The following FLT1 variants were observed in gnomAD, a reference collection of about 807,000 sequenced individuals.
FLT1 encodes vascular endothelial growth factor receptor 1.
FLT1 carries 49 observed loss-of-function variants against 156.3 expected under a neutral mutation model. That is an observed-to-expected ratio of 0.31 (90% CI 0.25 to 0.40). FLT1 has a LOEUF of 0.40. FLT1 is among the 10% of genes least tolerant of loss of function. The pLI, the probability that FLT1 is intolerant of heterozygous loss-of-function variation, is 1.00. For missense variants in FLT1, 1,322 were observed against 1,637.2 expected, an observed-to-expected ratio of 0.81 and a Z score of 3.32; for synonymous variants, 594 against 583.8, an observed-to-expected ratio of 1.02 and a Z score of -0.25.
chr13:28,344,007 G>GCC (rs1555302045), intron 16 of FLT1, among the ~76,000 whole-genome samples: 1 of 146,066 alleles, frequency 6.8e-6, no homozygotes, highest in African/African-American at 2.5e-5. Flanking sequence ...ATTCACTCTT[G>GCC]CCCCCCACCA....
chr13:28,400,515 T>G (rs1003618467), intron 11 of FLT1, among the ~76,000 whole-genome samples: 2 of 152,176 alleles, frequency 1.3e-5, no homozygotes, highest in Admixed American at 6.5e-5. Context: ...CAATTAAAAT[T>G]TAAACTTTAT....
intron 1 of FLT1, among the ~76,000 whole-genome samples, chr13:28,492,667 A>T (rs1028883205): frequency 6.6e-5 from 10 of 152,316 alleles, no homozygotes; most frequent in African/African-American, 2.4e-4. Context: ...GACGCAAGAG[A>T]ACTCTGCAGT....
At chr13:28,493,702 G>A (rs1309044201) in intron 1 of FLT1, among the ~76,000 whole-genome samples, 1 of 152,116 alleles carries the variant, frequency 6.6e-6, no homozygotes, top group African/African-American at 2.4e-5. Context: ...ACAAATCTCC[G>A]CCACTCAGCC....
chr13:28,341,627 A>G (rs568556825), intron 16 of FLT1, among the ~76,000 whole-genome samples: 1 of 152,340 alleles, frequency 6.6e-6, no homozygotes, highest in Admixed American at 6.5e-5. Flanking sequence ...ATGCAGGGTG[A>G]GGATAAAATA....
chr13:28,379,006 G>GAATC (rs1161043182), intron 14 of FLT1, among the ~76,000 whole-genome samples: 2 of 152,174 alleles, frequency 1.3e-5, no homozygotes, highest in Non-Finnish European at 2.9e-5. Flanking sequence ...AAAAAAGGAA[G>GAATC]AATCACTTCC....
intron 14 of FLT1, among the ~76,000 whole-genome samples, chr13:28,375,188 A>G (rs1419764231): frequency 1.3e-5 from 2 of 152,200 alleles, no homozygotes; most frequent in Non-Finnish European, 2.9e-5. Context: ...ATAAAAAGAG[A>G]TACTTTGGGG....
rs559682852 is a variant in FLT1 at position 28,406,565 on chromosome 13, G to T, written c.1437-671C>A. 7.2e-5 allele frequency among the ~76,000 whole-genome samples: 11 copies of T among 152,186 alleles called. No individual in the cohort carries two copies. The South Asian group carries it at 2.3e-3, about 32-fold the overall frequency. The stretch of plus-strand genomic sequence containing the variant: ...TAGAATTTTTTTGAGCAGAAAGCTT[G>T]CTGGTCTCTAATTTGCACATGTCTT... On this transcript the variant is annotated intron_variant, in intron 10 of 29. Transcript: ENST00000282397.
intron 29 of FLT1, among the ~76,000 whole-genome samples, chr13:28,303,718 T>G (rs964755135): frequency 1.3e-5 from 2 of 152,174 alleles, no homozygotes; most frequent in Admixed American, 6.5e-5. Context: ...GGCTGAGAAA[T>G]GCCTCCTACC....
intron 15 of FLT1, among the ~76,000 whole-genome samples, chr13:28,353,980 A>C (rs1201755426): frequency 6.6e-6 from 1 of 152,244 alleles, no homozygotes; most frequent in Non-Finnish European, 1.5e-5. Context: ...ACCTCTTTAA[A>C]TCTGTTAAAC....
At chr13:28,333,193 C>T (rs960985367) in intron 18 of FLT1, among the ~76,000 whole-genome samples, 6 of 152,174 alleles carry the variant, frequency 3.9e-5, no homozygotes, top group Admixed American at 1.3e-4. Flanking sequence ...ACTAGGTACC[C>T]GTGTAGTTGG....
intron 16 of FLT1, among the ~76,000 whole-genome samples, chr13:28,343,565 T>A (rs985253380): frequency 4.0e-5 from 6 of 151,898 alleles, no homozygotes; most frequent in African/African-American, 1.5e-4. Context: ...GTGCCAGGCG[T>A]CCCAAAGTGC....
chr13:28,372,903 TA>T (rs923339724), intron 14 of FLT1, among the ~76,000 whole-genome samples: 2 of 151,346 alleles, frequency 1.3e-5, no homozygotes, highest in Admixed American at 1.3e-4. Flanking sequence ...ATAAATAAAA[TA>T]AAAATGAAAC....
At chr13:28,421,942 C>A (rs991865416) in intron 10 of FLT1, among the ~76,000 whole-genome samples, 3 of 152,226 alleles carry the variant, frequency 2.0e-5, no homozygotes, top group Non-Finnish European at 1.5e-5. Flanking sequence ...AAGAATAGAA[C>A]TTGCTTCCTT....
Position 28,300,521 on chromosome 13 carries a change from C to CCACACACACACACACACACA in FLT1, c.*2626_*2645dup, listed in dbSNP as rs57419092. ...AGTTATGCACAAAACACACATACAC[C>CCACACACACACACACACACA]CACACACACACACACACACACACAC... On this transcript the variant is annotated 3_prime_UTR_variant, in exon 30 of 30. Coordinates refer to ENST00000282397, the MANE Select transcript of FLT1 (RefSeq NM_002019.4). 2 of 196,134 alleles carry CCACACACACACACACACACA rather than the reference C, an allele frequency of 1.0e-5. No homozygotes were observed. Among genetic ancestry groups the CCACACACACACACACACACA allele is most frequent in the African/African-American group, 4.8e-5 (2 of 42,024 alleles). 12.1% of individuals were successfully genotyped at this position (196,134 alleles called of 1,614,324 possible).
chr13:28,364,347 G>T (rs1208633631), intron 14 of FLT1, among the ~76,000 whole-genome samples: 1 of 152,112 alleles, frequency 6.6e-6, no homozygotes, highest in Non-Finnish European at 1.5e-5. Context: ...TGAGTAGTTG[G>T]GATTATAGGC....
In FLT1 at chr13:28,426,393, T is replaced by C. The variant is rs78014476; in HGVS notation, c.1436+766A>G. ...AGGATGCAAGGAAATGCTGCACAAT[T>C]AGCAGAGGGTAGGGATGTATTCATT... is the stretch of plus-strand genomic sequence containing the variant. On this transcript the variant is annotated intron_variant, in intron 10 of 29. Coordinates refer to ENST00000282397, the MANE Select transcript of FLT1 (RefSeq NM_002019.4). Among the ~76,000 whole-genome samples, 765 of 152,262 alleles carry C rather than the reference T, an allele frequency of 5.0e-3. 1 individual carries two copies. The highest frequency in any genetic ancestry group is 0.01 in the Middle Eastern group (3 of 294).
chr13:28,374,511 C>A (rs1873758221), intron 14 of FLT1, among the ~76,000 whole-genome samples: 1 of 151,812 alleles, frequency 6.6e-6, no homozygotes, highest in Non-Finnish European at 1.5e-5. Flanking sequence ...TCTCCTATTT[C>A]TTTTCTTTTT....
intron 10 of FLT1, among the ~76,000 whole-genome samples, chr13:28,418,877 C>T (rs1309119591): frequency 6.6e-6 from 1 of 152,018 alleles, no homozygotes; most frequent in African/African-American, 2.4e-5. Flanking sequence ...CCAGCCCTCC[C>T]CCTTTATACC....
intron 1 of FLT1, among the ~76,000 whole-genome samples, chr13:28,485,932 G>C (rs1881134619): frequency 6.6e-6 from 1 of 152,222 alleles, no homozygotes; most frequent in Non-Finnish European, 1.5e-5. Context: ...GAGACCCGAA[G>C]GGAAACTACT....
Sources: allele counts gnomAD v4.1 joint callset (sites outside exome capture counted in the v4.1 genomes callset), GRCh38; gene constraint gnomAD v4.1.1; transcripts MANE v1.5; gene names NCBI Gene and HGNC (gene_info 2026-07-23, HGNC 2026-07-21).